Variants in DENND5A observed in about 807,000 individuals in gnomAD.
DENND5A encodes DENN domain containing 5A.
A neutral mutation model predicts 140.3 loss-of-function variants in DENND5A; 64 were observed. That is an observed-to-expected ratio of 0.46 (90% CI 0.37 to 0.56). The LOEUF (loss-of-function observed/expected upper bound fraction) is 0.56, where lower values mean the gene tolerates loss of function less well. Ranked by LOEUF, DENND5A falls within the 20% of genes least tolerant of loss-of-function variation. The pLI is 0.00. For missense variants in DENND5A, 1,292 were observed against 1,593.8 expected (o/e 0.81, Z 3.22); for synonymous variants, 605 against 607.7 (o/e 1.00, Z 0.07).
chr11:9,159,184 T>C (rs1365238438), intron 12 of DENND5A, among the ~76,000 whole-genome samples: 2 of 152,250 alleles, frequency 1.3e-5, no homozygotes, highest in African/African-American at 2.4e-5. Context: ...AGGTACTTTA[T>C]TCCCTTTATT....
At chr11:9,143,014 G>A (rs1026190425) in intron 20 of DENND5A, 169 bp from the exon 21 acceptor site, 1 of 732,136 alleles carries the variant, frequency 1.4e-6, no homozygotes, top group African/African-American at 1.8e-5. Context: ...GCAGCTCCCA[G>A]TGAAGAGCTG....
intron 1 of DENND5A, among the ~76,000 whole-genome samples, chr11:9,258,456 T>C (rs978660433): frequency 2.6e-5 from 4 of 152,208 alleles, no homozygotes; most frequent in African/African-American, 9.7e-5. Context: ...GGACATGAAC[T>C]CATCCTTTTT....
At chr11:9,174,979 GAA>G (rs1848501862) in intron 8 of DENND5A, among the ~76,000 whole-genome samples, 1 of 151,796 alleles carries the variant, frequency 6.6e-6, no homozygotes, top group Admixed American at 6.6e-5. Flanking sequence ...ATAAGAAGAA[GAA>G]GAAAAAGAAA....
At chr11:9,251,224 G>T (rs1453170098) in intron 1 of DENND5A, among the ~76,000 whole-genome samples, 1 of 150,756 alleles carries the variant, frequency 6.6e-6, no homozygotes, top group Non-Finnish European at 1.5e-5. Flanking sequence ...AACCTCTACA[G>T]ACTTTTCACT....
At chr11:9,221,121 T>C (rs1331316465) in intron 1 of DENND5A, among the ~76,000 whole-genome samples, 1 of 151,454 alleles carries the variant, frequency 6.6e-6, no homozygotes, top group East Asian at 2.0e-4. Context: ...AACTTTGGTA[T>C]CAGAATCAGA....
In DENND5A at chr11:9,192,710, ACAC is replaced by A. The variant is rs1179348871; in HGVS notation, c.1137+781_1137+783del. 9.2e-5 allele frequency among the ~76,000 whole-genome samples: 14 copies of A among 152,218 alleles called. No individual in the cohort carries two copies. In the South Asian group the frequency reaches 2.9e-3, roughly 32 times the overall value. On this transcript the variant is annotated intron_variant, in intron 5 of 22. Coordinates refer to ENST00000328194, the MANE Select transcript of DENND5A (RefSeq NM_015213.4). ...AAGGAGGAAACGAAGAGTCATGGTG[ACAC>A]CAGTGTATGTATACTCCAAAGTCTT...
At chr11:9,261,909 G>A (rs1399461331) in intron 1 of DENND5A, among the ~76,000 whole-genome samples, 1 of 151,518 alleles carries the variant, frequency 6.6e-6, no homozygotes, top group Non-Finnish European at 1.5e-5. Context: ...TATCGGAAAT[G>A]TGGTCTCGGC....
Position 9,204,317 on chromosome 11 carries a change from G to C in DENND5A, c.292C>G (p.Leu98Val). The change falls in exon 4 of 23, where the codon CTA (leucine) becomes GTA (valine). Residue 98 changes from leucine (L) to valine (V), a missense_variant and splice_region_variant. By Grantham distance (32) the Leu-to-Val change is conservative. Around this residue, in one of 4 missense-constraint regions of DENND5A, gnomAD observed 566 missense variants for 650.4 expected, o/e 0.87. Coordinates refer to ENST00000328194, the MANE Select transcript of DENND5A (RefSeq NM_015213.4). The stretch of plus-strand genomic sequence containing the variant: ...AATGCCAGCCCTTTCGGCATACATA[G>C]CTGCAAAAGACAACAAGGCAACAAG... ...NPFDQDAVGM[L>V]CMPKGLAFKT... The C allele has an allele frequency of 6.2e-7, 1 of 1,607,086 alleles. No homozygotes were observed.
chr11:9,261,018 T>G (rs1852172106), intron 1 of DENND5A, among the ~76,000 whole-genome samples: 2 of 81,132 alleles, frequency 2.5e-5, no homozygotes, highest in South Asian at 1.3e-3. Context: ...CCAGCTAATT[T>G]TTTGTACTTT....
At chr11:9,143,595 G>A in intron 19 of DENND5A, 110 bp from the exon 20 acceptor site, 1 of 889,066 alleles carries the variant, frequency 1.1e-6, no homozygotes, top group South Asian at 1.3e-5. Context: ...AGGCAGGGCA[G>A]CTGGACCCTA....
At chr11:9,216,465 C>G (rs1356475463) in intron 1 of DENND5A, among the ~76,000 whole-genome samples, 1 of 152,168 alleles carries the variant, frequency 6.6e-6, no homozygotes, top group Non-Finnish European at 1.5e-5. Context: ...ATTTTAGAAG[C>G]TGAAAAGCTG....
chr11:9,172,542 C>T (rs773461788), intron 8 of DENND5A, among the ~76,000 whole-genome samples: 30 of 152,166 alleles, frequency 2.0e-4, no homozygotes, highest in South Asian at 4.1e-4. Context: ...CGGTTTCCCT[C>T]ATGCTATTCT....
At chr11:9,211,751 G>A (rs2136222501) in intron 1 of DENND5A, among the ~76,000 whole-genome samples, 1 of 152,054 alleles carries the variant, frequency 6.6e-6, no homozygotes, top group East Asian at 2.0e-4. Context: ...GGCCAATATG[G>A]TGAAACCCCG....
intron 22 of DENND5A, among the ~76,000 whole-genome samples, chr11:9,141,252 A>C (rs1336639621): frequency 6.6e-6 from 1 of 152,162 alleles, no homozygotes; most frequent in African/African-American, 2.4e-5. Flanking sequence ...CTCTGCTTCA[A>C]ACTTCCCCAG....
intron 5 of DENND5A, among the ~76,000 whole-genome samples, chr11:9,183,202 C>T (rs1222912062): frequency 1.3e-5 from 2 of 152,100 alleles, no homozygotes; most frequent in African/African-American, 4.8e-5. Flanking sequence ...GACAACATTG[C>T]CTTCATTGCA....
At chr11:9,180,156 A>T (rs771651292) in intron 6 of DENND5A, among the ~76,000 whole-genome samples, 2 of 152,122 alleles carry the variant, frequency 1.3e-5, no homozygotes, top group Non-Finnish European at 2.9e-5. Flanking sequence ...AGGGCAATGG[A>T]TCTAAAAGAG....
chr11:9,155,112 G>A (rs1847761242), intron 12 of DENND5A, among the ~76,000 whole-genome samples: 1 of 151,100 alleles, frequency 6.6e-6, no homozygotes, highest in African/African-American at 2.4e-5. Flanking sequence ...TGGCACTACT[G>A]CACTCCAGCC....
chr11:9,181,826 C>T (rs541196606), intron 5 of DENND5A, among the ~76,000 whole-genome samples: 51 of 152,246 alleles, frequency 3.3e-4, no homozygotes, highest in African/African-American at 1.2e-3. Flanking sequence ...AGTCTAGGTT[C>T]CAGATTTGAC....
intron 1 of DENND5A, among the ~76,000 whole-genome samples, chr11:9,237,283 G>C (rs1294177312): frequency 6.6e-6 from 1 of 152,054 alleles, no homozygotes; most frequent in Non-Finnish European, 1.5e-5. Flanking sequence ...CCAGGGGTGT[G>C]GTGGCACACG....
Sources: allele counts gnomAD v4.1 joint callset (sites outside exome capture counted in the v4.1 genomes callset), GRCh38; gene constraint gnomAD v4.1.1; regional missense constraint gnomAD v4.1.1; transcripts MANE v1.5; gene names NCBI Gene and HGNC (gene_info 2026-07-23, HGNC 2026-07-21).